CNTNAP5: variants seen among roughly 807,000 people sequenced by gnomAD.
CNTNAP5 encodes contactin-associated protein-like 5.
Under a neutral mutation model 150.2 loss-of-function variants are expected in CNTNAP5, and 72 were observed. The ratio of observed to expected loss-of-function variants is 0.48; its 90% CI spans 0.40 to 0.58. The LOEUF (loss-of-function observed/expected upper bound fraction) is 0.58. Among genes scored for constraint, CNTNAP5 ranks in the 20% least tolerant of loss-of-function variants. The pLI, the probability that CNTNAP5 is intolerant of heterozygous loss-of-function variation, is 0.00. For missense variants in CNTNAP5, 1,636 were observed against 1,626.2 expected, an observed-to-expected ratio of 1.01 and a Z score of -0.10; for synonymous variants, 672 against 619.8, an observed-to-expected ratio of 1.08 and a Z score of -1.25.
chr2:124,201,872 A>T (rs7571024), intron 1 of CNTNAP5, among the ~76,000 whole-genome samples: 117,549 of 152,164 alleles, frequency 0.77, 45,745 homozygotes, highest in East Asian at 1. Context: ...TTCCATAGTA[A>T]TGGTTCATCT....
chr2:124,155,040 A>C (rs1684490047), intron 1 of CNTNAP5, among the ~76,000 whole-genome samples: 1 of 144,558 alleles, frequency 6.9e-6, no homozygotes, highest in Non-Finnish European at 1.5e-5. Context: ...CTTCATGGGG[A>C]GGGACTCTGC....
rs775223081 is a variant in CNTNAP5 at position 124,417,513 on chromosome 2, T to A, written c.452T>A (p.Phe151Tyr). 9 of 1,613,844 alleles carry A rather than the reference T, an allele frequency of 5.6e-6. No individual in the cohort carries two copies. The South Asian group carries it at 6.6e-5, about 12-fold the overall frequency. Residue 151 changes from phenylalanine to tyrosine, a missense_variant, in exon 4 of 24, where the codon TTT (phenylalanine) becomes TAT (tyrosine). By Grantham distance (22) the Phe-to-Tyr change is conservative. Coordinates refer to ENST00000682447, the MANE Select transcript of CNTNAP5 (RefSeq NM_001367498.1). Reference sequence around the variant, plus strand: ...CTATTGCACTCAGTGAGAGCCCGATTTGTTCGCTTTGTGCCCCTGGAATGG... The same window carrying A: ...CTATTGCACTCAGTGAGAGCCCGATATGTTCGCTTTGTGCCCCTGGAATGG... ...HKLLHSVRAR[F>Y]VRFVPLEWNP...
intron 13 of CNTNAP5, among the ~76,000 whole-genome samples, chr2:124,703,902 T>C (rs1679578135): frequency 6.6e-6 from 1 of 152,188 alleles, no homozygotes; most frequent in Non-Finnish European, 1.5e-5. Flanking sequence ...AGCACAGGAC[T>C]AAATGGGGTT....
At chr2:124,355,755 G>T (rs1189997804) in intron 3 of CNTNAP5, among the ~76,000 whole-genome samples, 16 of 151,968 alleles carry the variant, frequency 1.1e-4, no homozygotes, top group Admixed American at 7.2e-4. Context: ...CTGAGTTAAG[G>T]GATCTAAACA....
At chr2:124,279,039 C>T (rs1270617747) in intron 3 of CNTNAP5, among the ~76,000 whole-genome samples, 1 of 151,872 alleles carries the variant, frequency 6.6e-6, no homozygotes. Flanking sequence ...TCTAGAGGAC[C>T]ATGGGCTGCC....
chr2:124,911,438 TA>T, intron 22 of CNTNAP5, 28 bp from the exon 23 acceptor site: 1 of 1,541,958 alleles, frequency 6.5e-7, no homozygotes. Flanking sequence ...GAGTGAGAAG[TA>T]AAGTCCCATG....
rs35863925 is a variant in CNTNAP5 at position 124,777,775 on chromosome 2, ATGTGTGTGTGTGTGTGTG to A, written c.2752+4790_2752+4807del. On this transcript the variant is annotated intron_variant, in intron 17 of 23. Coordinates refer to ENST00000682447, the MANE Select transcript of CNTNAP5 (RefSeq NM_001367498.1). ...TGGACAATTGAAGCAGAATGGAGGG[ATGTGTGTGTGTGTGTGTG>A]TGTGTGTGTGTGTGTGTGTGTGTGT... Among the ~76,000 whole-genome samples, 80 of 130,690 alleles carry A rather than the reference ATGTGTGTGTGTGTGTGTG, an allele frequency of 6.1e-4. 2 individuals are homozygous for A. The South Asian group carries it at 0.011, about 18-fold the overall frequency. 85.7% of individuals were successfully genotyped at this position (130,690 alleles called of 152,430 possible).
chr2:124,848,401 C>T (rs1354207431), intron 19 of CNTNAP5, among the ~76,000 whole-genome samples: 2 of 152,058 alleles, frequency 1.3e-5, no homozygotes, highest in Non-Finnish European at 2.9e-5. Context: ...TCTTTACTCA[C>T]TAATCTCTCA....
intron 6 of CNTNAP5, among the ~76,000 whole-genome samples, chr2:124,463,273 C>CA (rs1693295873): frequency 6.6e-6 from 1 of 152,116 alleles, no homozygotes; most frequent in South Asian, 2.1e-4. Flanking sequence ...TTCATTCAGA[C>CA]AAAAAATTAT....
chr2:124,758,355 C>T (rs1680885164), intron 14 of CNTNAP5, among the ~76,000 whole-genome samples: 1 of 151,934 alleles, frequency 6.6e-6, no homozygotes, highest in Admixed American at 6.6e-5. Context: ...GGAGGTTGAA[C>T]ATCTTAGTTT....
chr2:124,803,405 GT>G (rs1381789290), intron 19 of CNTNAP5, among the ~76,000 whole-genome samples: 9 of 152,106 alleles, frequency 5.9e-5, no homozygotes, highest in East Asian at 5.8e-4. Context: ...CTATATATGT[GT>G]TATGATCAAT....
chr2:124,492,432 C>T (rs1277421950), intron 7 of CNTNAP5, among the ~76,000 whole-genome samples: 4 of 152,234 alleles, frequency 2.6e-5, no homozygotes, highest in East Asian at 3.9e-4. Flanking sequence ...TTCTGTTGAT[C>T]TCTGTGTCTG....
intron 7 of CNTNAP5, among the ~76,000 whole-genome samples, chr2:124,500,824 C>A (rs567872739): frequency 5.3e-5 from 8 of 150,184 alleles, no homozygotes; most frequent in Admixed American, 4.0e-4. Context: ...CTAAGAACTA[C>A]CATCTTAGGA....
intron 13 of CNTNAP5, among the ~76,000 whole-genome samples, chr2:124,687,153 A>G (rs1018565452): frequency 6.6e-6 from 1 of 152,068 alleles, no homozygotes; most frequent in Non-Finnish European, 1.5e-5. Flanking sequence ...GAGAAGGGCC[A>G]TAGTGCCACT....
chr2:124,458,975 A>G (rs1008385973), intron 6 of CNTNAP5, among the ~76,000 whole-genome samples: 1 of 152,206 alleles, frequency 6.6e-6, no homozygotes, highest in African/African-American at 2.4e-5. Flanking sequence ...TATAATTAAT[A>G]ATATATAAAA....
chr2:124,433,675 T>C (rs1692449275), intron 4 of CNTNAP5, among the ~76,000 whole-genome samples: 2 of 151,986 alleles, frequency 1.3e-5, no homozygotes, highest in Non-Finnish European at 2.9e-5. Flanking sequence ...AAGCTCATTA[T>C]AAAAGTTTTT....
intron 19 of CNTNAP5, among the ~76,000 whole-genome samples, chr2:124,811,684 G>A (rs1031102097): frequency 8.3e-6 from 1 of 120,030 alleles, no homozygotes; most frequent in African/African-American, 3.5e-5. Flanking sequence ...GCTCATGCCT[G>A]TAATCCCATC....
chr2:124,738,717 T>C (rs1290719337), intron 13 of CNTNAP5, among the ~76,000 whole-genome samples: 1 of 142,586 alleles, frequency 7.0e-6, no homozygotes, highest in Non-Finnish European at 1.5e-5. Flanking sequence ...GGAGACAGAG[T>C]GAGACTCCAT....
intron 1 of CNTNAP5, among the ~76,000 whole-genome samples, chr2:124,112,812 A>G (rs1377565435): frequency 3.3e-5 from 5 of 152,190 alleles, no homozygotes; most frequent in African/African-American, 1.2e-4. Flanking sequence ...TTTCAACTCT[A>G]TAAACAGAAT....
Sources: gnomAD v4.1 joint callset for allele counts (sites outside exome capture counted in the v4.1 genomes callset) on GRCh38, gnomAD v4.1.1 for gene constraint, MANE v1.5 for transcripts, NCBI Gene and HGNC (gene_info 2026-07-23, HGNC 2026-07-21) for gene names.